CCDC63: variants seen among roughly 807,000 people sequenced by gnomAD.
The protein encoded by CCDC63 is coiled-coil domain-containing protein 63.
A neutral mutation model predicts 63.6 loss-of-function variants in CCDC63; 54 were observed. The observed-to-expected ratio is 0.85, with a 90% CI of 0.68 to 1.07. The LOEUF (loss-of-function observed/expected upper bound fraction) is 1.07, where lower values mean the gene tolerates loss of function less well. Ranked by LOEUF, CCDC63 falls within the 50% of genes least tolerant of loss-of-function variation. CCDC63 has a pLI of 0.00. For missense variants in CCDC63, 637 were observed against 689.6 expected (o/e 0.92, Z 0.86); for synonymous variants, 253 against 266.1 (o/e 0.95, Z 0.48).
chr12:110,899,995 C>T (rs1288119433), intron 10 of CCDC63, among the ~76,000 whole-genome samples: 3 of 151,988 alleles, frequency 2.0e-5, no homozygotes, highest in Non-Finnish European at 4.4e-5. Flanking sequence ...GGGCAGATCA[C>T]TTGAGGTCAG....
chr12:110,860,134 C>T (rs961948975), intron 4 of CCDC63, among the ~76,000 whole-genome samples: 1 of 152,198 alleles, frequency 6.6e-6, no homozygotes, highest in Non-Finnish European at 1.5e-5. Flanking sequence ...CACTAGGGTT[C>T]GCAACAGCGG....
intron 5 of CCDC63, 138 bp downstream of exon 5, chr12:110,874,099 C>T: frequency 8.6e-7 from 1 of 1,162,448 alleles, no homozygotes; most frequent in Non-Finnish European, 1.2e-6. Context: ...AATGGCCACA[C>T]AGGCCAGGAA....
At chr12:110,851,956 A>G (rs1054802555) in intron 1 of CCDC63, among the ~76,000 whole-genome samples, 2 of 152,188 alleles carry the variant, frequency 1.3e-5, no homozygotes, top group Admixed American at 6.5e-5. Context: ...GGCACAACCA[A>G]TGCTTTAAAC....
At chr12:110,890,087 G>A (rs1357753951) in intron 8 of CCDC63, among the ~76,000 whole-genome samples, 2 of 152,046 alleles carry the variant, frequency 1.3e-5, no homozygotes, top group African/African-American at 4.8e-5. Flanking sequence ...GAGCCCAGGA[G>A]TTTGAGACCA....
intron 8 of CCDC63, among the ~76,000 whole-genome samples, chr12:110,890,697 C>G (rs892854895): frequency 2.6e-5 from 4 of 151,536 alleles, no homozygotes; most frequent in African/African-American, 9.7e-5. Context: ...ACAGTTCATG[C>G]TATTCTGTAA....
chr12:110,858,948 G>A (rs1258733555), intron 4 of CCDC63, among the ~76,000 whole-genome samples, 173 bp downstream of exon 4: 1 of 152,056 alleles, frequency 6.6e-6, no homozygotes, highest in African/African-American at 2.4e-5. Context: ...AGACCTCTGG[G>A]CTCCAGTATC....
chr12:110,901,424 C>T (rs779731710), intron 10 of CCDC63, among the ~76,000 whole-genome samples: 7 of 151,804 alleles, frequency 4.6e-5, no homozygotes, highest in African/African-American at 1.2e-4. Context: ...TATGGGGTCT[C>T]GCCATGTTGC....
chr12:110,875,004 G>T (rs956863594), intron 5 of CCDC63, among the ~76,000 whole-genome samples: 1 of 152,180 alleles, frequency 6.6e-6, no homozygotes, highest in Non-Finnish European at 1.5e-5. Context: ...AAAGTGAATG[G>T]ATTTGGAAGA....
intron 4 of CCDC63, among the ~76,000 whole-genome samples, chr12:110,872,480 G>C (rs1856518456): frequency 6.9e-6 from 1 of 145,908 alleles, no homozygotes; most frequent in Non-Finnish European, 1.5e-5. Flanking sequence ...GTGATTTTCA[G>C]AATGGTGACC....
At chr12:110,869,847 A>G (rs1225316799) in intron 4 of CCDC63, among the ~76,000 whole-genome samples, 1 of 152,254 alleles carries the variant, frequency 6.6e-6, no homozygotes, top group Admixed American at 6.5e-5. Context: ...TGCAAGTAAC[A>G]TAATACCCAA....
intron 1 of CCDC63, among the ~76,000 whole-genome samples, chr12:110,851,674 T>C (rs1333687171): frequency 1.3e-5 from 2 of 152,050 alleles, no homozygotes; most frequent in Admixed American, 6.6e-5. Flanking sequence ...TACCAGGAGA[T>C]AGAGGAACAC....
chr12:110,897,755 T>G (rs372655697), intron 9 of CCDC63, among the ~76,000 whole-genome samples: 2 of 143,252 alleles, frequency 1.4e-5, no homozygotes, highest in Non-Finnish European at 3.0e-5. Flanking sequence ...TTTTTTGAGA[T>G]AGAGTCTCGC....
chr12:110,851,780 C>T (rs1017115918), intron 1 of CCDC63, among the ~76,000 whole-genome samples: 1 of 152,218 alleles, frequency 6.6e-6, no homozygotes, highest in African/African-American at 2.4e-5. Flanking sequence ...GTACTGAGCA[C>T]TTACTACGTC....
intron 7 of CCDC63, among the ~76,000 whole-genome samples, chr12:110,883,277 C>A (rs1593678414): frequency 6.6e-6 from 1 of 152,102 alleles, no homozygotes; most frequent in African/African-American, 2.4e-5. Flanking sequence ...ACCTCGTGAT[C>A]CACCTGCCTT....
intron 4 of CCDC63, among the ~76,000 whole-genome samples, chr12:110,865,909 A>G (rs2070941243): frequency 6.6e-6 from 1 of 152,184 alleles, no homozygotes; most frequent in Non-Finnish European, 1.5e-5. Context: ...CAATAAGGGA[A>G]CTGTCAGGTG....
intron 8 of CCDC63, among the ~76,000 whole-genome samples, chr12:110,884,663 G>A (rs913078766): frequency 5.3e-5 from 8 of 151,620 alleles, no homozygotes; most frequent in South Asian, 2.1e-4. Context: ...AGTGTGAAAC[G>A]TTGCACCCAG....
chr12:110,851,040 G>A (rs553113730), intron 1 of CCDC63, among the ~76,000 whole-genome samples: 10 of 152,242 alleles, frequency 6.6e-5, no homozygotes, highest in South Asian at 2.1e-4. Flanking sequence ...CAGGATTTAT[G>A]GCACTTTGCA....
At chr12:110,873,702 T>G in intron 4 of CCDC63, 140 bp from the exon 5 acceptor site, 1 of 1,077,320 alleles carries the variant, frequency 9.3e-7, no homozygotes, top group Non-Finnish European at 1.3e-6. Flanking sequence ...AGTTTTTGTC[T>G]GAGCACACTT....
intron 8 of CCDC63, 104 bp from the exon 9 acceptor site, chr12:110,892,972 A>T: frequency 1.1e-6 from 1 of 872,198 alleles, no homozygotes; most frequent in Non-Finnish European, 1.8e-6. Flanking sequence ...TTTGAAACGG[A>T]TCATTGAAAT....
Sources: allele counts gnomAD v4.1 joint callset (sites outside exome capture counted in the v4.1 genomes callset), GRCh38; gene constraint gnomAD v4.1.1; transcripts MANE v1.5; gene names NCBI Gene and HGNC (gene_info 2026-07-23, HGNC 2026-07-21).